Variants in AHI1 observed in about 807,000 individuals in gnomAD.
AHI1 encodes the protein jouberin.
In AHI1, 123 loss-of-function variants were observed where a neutral mutation model predicts 149.3. The ratio of observed to expected loss-of-function variants is 0.82; its 90% confidence interval spans 0.71 to 0.96. The LOEUF (loss-of-function observed/expected upper bound fraction) is 0.96. Among genes scored for constraint, AHI1 ranks in the 40% least tolerant of loss-of-function variants. AHI1 has a pLI of 0.00. For synonymous variants in AHI1, 475 were observed against 459.8 expected, an observed-to-expected ratio of 1.03 and a Z score of -0.42; for missense variants, 1,439 against 1,422.7, an observed-to-expected ratio of 1.01 and a Z score of -0.18.
At chr6:135,456,747 A>T (rs1789018169) in intron 9 of AHI1, among the ~76,000 whole-genome samples, 1 of 152,064 alleles carries the variant, frequency 6.6e-6, no homozygotes, top group Non-Finnish European at 1.5e-5. Flanking sequence ...TGTGTATTTC[A>T]TTGTACTTTT....
chr6:135,397,787 C>T (rs1027203018), intron 22 of AHI1, among the ~76,000 whole-genome samples: 6 of 152,000 alleles, frequency 3.9e-5, no homozygotes, highest in African/African-American at 1.4e-4. Context: ...TACAAGTCTA[C>T]CCTTTTAGCT....
At position 135,361,645 on chromosome 6, in the gene AHI1, T is replaced by TCACACACA. The variant is rs57786531; in HGVS notation, c.3110-3466_3110-3459dup. Reference sequence around the variant, plus strand: ...AATCAGGAGGTACCTAGGTATGGTTTCACACACACACACACACACACACAC... The same window carrying TCACACACA: ...AATCAGGAGGTACCTAGGTATGGTTTCACACACACACACACACACACACACACACACAC... On this transcript the variant is annotated intron_variant, in intron 23 of 28. Coordinates refer to ENST00000265602, the MANE Select transcript of AHI1 (RefSeq NM_001134831.2). 5.5e-3 allele frequency among the ~76,000 whole-genome samples: 731 copies of TCACACACA among 133,892 alleles called. 7 individuals are homozygous for TCACACACA. Among genetic ancestry groups the TCACACACA allele is most frequent in the African/African-American group, 0.011 (402 of 36,264 alleles). 87.8% of individuals were successfully genotyped at this position (133,892 alleles called of 152,430 possible). A position where few individuals can be genotyped will look rare whatever the true frequency, so the allele number is the denominator to read the frequency against.
rs1309877089 is a variant in AHI1, at chr6:135,358,193, G to A, written c.3110-6C>T. On this transcript the variant is annotated splice_polypyrimidine_tract_variant and splice_region_variant and intron_variant, in intron 23 of 28. Transcript: ENST00000265602. ...TCTTTCTATGCTGATAATCCCTGTG[G>A]AAAGAAAACATTGTGAGTATTTGGT... is the stretch of plus-strand genomic sequence containing the variant. 4.3e-6 allele frequency: 7 copies of A among 1,610,428 alleles called. No individual in the cohort carries two copies. The highest frequency in any genetic ancestry group is 5.9e-6 in the Non-Finnish European group (7 of 1,178,302).
At chr6:135,493,898 T>G (rs1030422868) in intron 3 of AHI1, among the ~76,000 whole-genome samples, 1 of 152,054 alleles carries the variant, frequency 6.6e-6, no homozygotes, top group Non-Finnish European at 1.5e-5. Flanking sequence ...CAAAACTTAG[T>G]CAGGCGTGGT....
intron 5 of AHI1, among the ~76,000 whole-genome samples, chr6:135,480,856 C>T (rs940263911): frequency 2.0e-5 from 3 of 152,212 alleles, no homozygotes; most frequent in African/African-American, 7.2e-5. Context: ...GCATTAGATT[C>T]TCATAGGAGC....
chr6:135,351,156 A>G (rs1185459141), intron 24 of AHI1, among the ~76,000 whole-genome samples: 2 of 151,878 alleles, frequency 1.3e-5, no homozygotes, highest in African/African-American at 4.9e-5. Flanking sequence ...AAAAAAAAAA[A>G]AGAAAGAAAA....
chr6:135,344,151 A>G (rs1790798259), intron 24 of AHI1, among the ~76,000 whole-genome samples: 1 of 151,914 alleles, frequency 6.6e-6, no homozygotes, highest in Non-Finnish European at 1.5e-5. Flanking sequence ...ACCTAATACA[A>G]TGTAAATGCT....
In AHI1 at chr6:135,290,427, A is replaced by G. The variant is rs1782195229; in HGVS notation, c.3584T>C (p.Ile1195Thr). ...TTCTATTGGTTTTCCCCTTACCTCT[A>G]TTAGAGTGACTTTTCTGCCTGCTTG... ...NKQAGRKVTL[I>T]E The change falls in exon 28 of 29, where the codon ATA (isoleucine) becomes ACA (threonine). Residue 1195 changes from isoleucine (I) to threonine (T), a missense_variant. Coordinates refer to ENST00000265602, the MANE Select transcript of AHI1 (RefSeq NM_001134831.2). 2 of 1,554,782 alleles carry G rather than the reference A, an allele frequency of 1.3e-6. No homozygotes were observed. The highest frequency in any genetic ancestry group is 3.3e-5 in the Admixed American group (2 of 59,926).
chr6:135,420,147 T>G (rs1304853119), intron 20 of AHI1, among the ~76,000 whole-genome samples: 3 of 152,086 alleles, frequency 2.0e-5, no homozygotes, highest in Non-Finnish European at 4.4e-5. Context: ...GCCCTCAGAG[T>G]CATCCATGGG....
At chr6:135,458,546 G>A (rs1481270754) in intron 8 of AHI1, among the ~76,000 whole-genome samples, 1 of 152,150 alleles carries the variant, frequency 6.6e-6, no homozygotes, top group Admixed American at 6.5e-5. Flanking sequence ...GCCCTGGAGG[G>A]TGTGGTCAAT....
At chr6:135,428,602 G>T (rs1784228652) in intron 19 of AHI1, 27 bp downstream of exon 19, 1 of 1,585,060 alleles carries the variant, frequency 6.3e-7, no homozygotes, top group African/African-American at 1.4e-5. Context: ...CTCCCCAAAT[G>T]ATTTTTAAAG....
intron 24 of AHI1, among the ~76,000 whole-genome samples, chr6:135,345,257 T>C (rs1204116924): frequency 6.6e-6 from 1 of 152,174 alleles, no homozygotes; most frequent in Non-Finnish European, 1.5e-5. Flanking sequence ...TTGGAAAACA[T>C]TTTGACAGTT....
chr6:135,379,811 T>C (rs914406041), intron 23 of AHI1, among the ~76,000 whole-genome samples: 2 of 152,172 alleles, frequency 1.3e-5, no homozygotes, highest in African/African-American at 4.8e-5. Context: ...CATTCCTGTT[T>C]CAGGATCTTG....
chr6:135,428,428 T>C (rs969066026), intron 19 of AHI1, among the ~76,000 whole-genome samples: 1 of 151,706 alleles, frequency 6.6e-6, no homozygotes, highest in Non-Finnish European at 1.5e-5. Flanking sequence ...CATAAAGATA[T>C]TAAAGCAATA....
intron 27 of AHI1, among the ~76,000 whole-genome samples, chr6:135,297,703 A>G (rs980632522): frequency 5.3e-5 from 8 of 152,210 alleles, no homozygotes; most frequent in Non-Finnish European, 1.2e-4. Context: ...TGAGGATTAA[A>G]AAAAGGCAGA....
chr6:135,314,876 T>C (rs1289218494), intron 26 of AHI1, among the ~76,000 whole-genome samples: 1 of 152,204 alleles, frequency 6.6e-6, no homozygotes, highest in Non-Finnish European at 1.5e-5. Flanking sequence ...TCTGCAGACC[T>C]TGTGGTCATT....
chr6:135,359,632 T>C (rs1793536173), intron 23 of AHI1, among the ~76,000 whole-genome samples: 1 of 152,190 alleles, frequency 6.6e-6, no homozygotes, highest in African/African-American at 2.4e-5. Flanking sequence ...CAATCCTAGC[T>C]GCAAACACTG....
chr6:135,340,355 A>G (rs1790098908), intron 24 of AHI1, among the ~76,000 whole-genome samples: 1 of 151,966 alleles, frequency 6.6e-6, no homozygotes, highest in Non-Finnish European at 1.5e-5. Flanking sequence ...TGGGCGACAG[A>G]GCGAGACTCT....
chr6:135,488,868 C>G (rs1794849457), intron 5 of AHI1, among the ~76,000 whole-genome samples: 1 of 152,120 alleles, frequency 6.6e-6, no homozygotes, highest in African/African-American at 2.4e-5. Context: ...GCAGTGGATT[C>G]TGCACTTCCA....
Sources: allele counts gnomAD v4.1 joint callset (sites outside exome capture counted in the v4.1 genomes callset), GRCh38; gene constraint gnomAD v4.1.1; transcripts MANE v1.5; gene names NCBI Gene and HGNC (gene_info 2026-07-23, HGNC 2026-07-21).